RAB3GAP1: variants seen among roughly 807,000 people sequenced by gnomAD.
RAB3GAP1 encodes the protein RAB3 GTPase activating protein catalytic subunit 1.
RAB3GAP1 carries 86 observed loss-of-function variants against 130.7 expected under a neutral mutation model. That is an observed-to-expected ratio of 0.66 (90% CI 0.55 to 0.79). RAB3GAP1 has a LOEUF of 0.79. RAB3GAP1 is among the 30% of genes least tolerant of loss of function. The pLI, the probability that RAB3GAP1 is intolerant of heterozygous loss-of-function variation, is 0.00. For synonymous variants in RAB3GAP1, 367 were observed against 401.7 expected, an observed-to-expected ratio of 0.91 and a Z score of 1.03; for missense variants, 1,029 against 1,169.4, an observed-to-expected ratio of 0.88 and a Z score of 1.75.
intron 5 of RAB3GAP1, among the ~76,000 whole-genome samples, chr2:135,112,206 T>C (rs1305276301): frequency 6.6e-6 from 1 of 152,104 alleles, no homozygotes; most frequent in Non-Finnish European, 1.5e-5. Flanking sequence ...TGTAATATGA[T>C]GATGAAACCT....
intron 5 of RAB3GAP1, among the ~76,000 whole-genome samples, chr2:135,103,851 GA>G (rs1425281264): frequency 2.0e-5 from 3 of 152,188 alleles, no homozygotes; most frequent in Non-Finnish European, 4.4e-5. Flanking sequence ...CGAGGCAAGT[GA>G]TGGATTAGTC....
intron 4 of RAB3GAP1, 117 bp downstream of exon 4, chr2:135,091,247 G>A: frequency 1.0e-6 from 1 of 977,530 alleles, no homozygotes; most frequent in Non-Finnish European, 1.5e-6. Context: ...TTTTACATAA[G>A]CAAAGTTGTT....
chr2:135,113,601 G>A (rs1030063807), intron 6 of RAB3GAP1, among the ~76,000 whole-genome samples: 10 of 152,208 alleles, frequency 6.6e-5, no homozygotes, highest in African/African-American at 2.4e-4. Context: ...ACTCCGAGCT[G>A]TAACCAATCA....
rs1007786833 is a variant in RAB3GAP1, at chr2:135,126,244, T to A, written c.894T>A (p.Val298=). ...AAGGGATCATTGTGGATAATGATGT[T>A]TATTCGTAAGTATGTTAAGAGTAGT... ...LTEGIIVDND[V]YSDLDPIQAP... Residue 298 remains valine (V), a synonymous_variant, in exon 10 of 24, where the codon GTT becomes GTA. Transcript: ENST00000264158. 6.2e-7 allele frequency: 1 copy of A among 1,610,922 alleles called. No individual in the cohort carries two copies. The highest frequency in any genetic ancestry group is 8.5e-7 in the Non-Finnish European group (1 of 1,177,320).
At position 135,133,947 on chromosome 2, in the gene RAB3GAP1, T is replaced by C. The variant is rs1691615058; in HGVS notation, c.1413T>C (p.His471=). ...ALCLCMINFY[H]GGLKGVAHLW... The stretch of plus-strand genomic sequence containing the variant: ...GTCTCTGTATGATCAATTTTTACCA[T>C]GGAGGGTTGAAAGGAGTGGCACACC... The change falls in exon 15 of 24, where the codon CAT becomes CAC. Residue 471 remains histidine (H), a synonymous_variant. Transcript: ENST00000264158. 6 of 1,613,972 alleles carry C rather than the reference T, an allele frequency of 3.7e-6. 1 individual carries two copies. The African/African-American group carries it at 6.7e-5, about 18-fold the overall frequency.
At chr2:135,075,697 C>T in intron 3 of RAB3GAP1, among the ~76,000 whole-genome samples, 1 of 140,448 alleles carries the variant, frequency 7.1e-6, no homozygotes. Flanking sequence ...TCACTATTTC[C>T]TTCATATGGG....
At chr2:135,152,241 C>T (rs1035463481) in intron 18 of RAB3GAP1, among the ~76,000 whole-genome samples, 4 of 152,226 alleles carry the variant, frequency 2.6e-5, no homozygotes, top group African/African-American at 9.6e-5. Context: ...TACACCTACA[C>T]CTCAGAGTTC....
chr2:135,151,699 C>T (rs749460662), intron 18 of RAB3GAP1, among the ~76,000 whole-genome samples: 1 of 152,184 alleles, frequency 6.6e-6, no homozygotes, highest in Non-Finnish European at 1.5e-5. Context: ...CCAGTTGGCT[C>T]TTGGGGCACA....
chr2:135,064,474 C>T (rs1689261955), intron 3 of RAB3GAP1, among the ~76,000 whole-genome samples: 2 of 151,962 alleles, frequency 1.3e-5, no homozygotes, highest in African/African-American at 4.8e-5. Flanking sequence ...TTAAGCCTAC[C>T]TGCTGTATTT....
At chr2:135,165,017 A>T (rs1396129942) in intron 23 of RAB3GAP1, 3 of 401,710 alleles carry the variant, frequency 7.5e-6, no homozygotes, top group Admixed American at 6.4e-5. Flanking sequence ...ATGTTTACTC[A>T]CAGGTACTTT....
chr2:135,065,383 T>C (rs1470651167), intron 3 of RAB3GAP1, among the ~76,000 whole-genome samples: 5 of 152,186 alleles, frequency 3.3e-5, no homozygotes, highest in African/African-American at 1.2e-4. Context: ...ATTTTCTTCA[T>C]ATACTTCAAC....
chr2:135,095,474 A>G (rs2104882372), intron 5 of RAB3GAP1, among the ~76,000 whole-genome samples: 2 of 152,372 alleles, frequency 1.3e-5, no homozygotes, highest in Middle Eastern at 6.8e-3. Flanking sequence ...TTTAAATATC[A>G]TAGAAATTTT....
intron 2 of RAB3GAP1, among the ~76,000 whole-genome samples, chr2:135,052,854 C>T (rs888319475): frequency 2.0e-5 from 3 of 152,228 alleles, no homozygotes; most frequent in Non-Finnish European, 4.4e-5. Context: ...TTATCGTAAG[C>T]AGTAAACTTG....
rs1355688139 is a variant in RAB3GAP1, at chr2:135,132,993, A to T, written c.1326+9A>T. 2.0e-6 allele frequency: 3 copies of T among 1,469,956 alleles called. No homozygotes were observed. Among genetic ancestry groups the T allele is most frequent in the Non-Finnish European group, 2.9e-6 (3 of 1,049,712 alleles). The allele number at this position is 1,469,956 out of a possible 1,614,324, so 91.1% of individuals were successfully genotyped here. ...CAGAGAGTGAAGACTATGTAAGTTG[A>T]TGTGGAGTTCAATGTTAAAATGTTT... On this transcript the variant is annotated intron_variant, in intron 14 of 23. Coordinates refer to ENST00000264158, the MANE Select transcript of RAB3GAP1 (RefSeq NM_012233.3).
chr2:135,066,257 A>T (rs1689320558), intron 3 of RAB3GAP1, among the ~76,000 whole-genome samples: 1 of 152,056 alleles, frequency 6.6e-6, no homozygotes, highest in Non-Finnish European at 1.5e-5. Context: ...TTTTGTCCAG[A>T]TTTTATAGGA....
At chr2:135,147,641 G>T in intron 17 of RAB3GAP1, among the ~76,000 whole-genome samples, 1 of 138,834 alleles carries the variant, frequency 7.2e-6, no homozygotes, top group African/African-American at 2.7e-5. Flanking sequence ...TTTTGACTCG[G>T]GGTCTCACTC....
intron 3 of RAB3GAP1, among the ~76,000 whole-genome samples, chr2:135,079,372 T>C (rs1689721471): frequency 6.6e-6 from 1 of 152,200 alleles, no homozygotes; most frequent in Non-Finnish European, 1.5e-5. Context: ...TTTTTCTCCT[T>C]CTAGTGTGTT....
intron 7 of RAB3GAP1, among the ~76,000 whole-genome samples, chr2:135,118,278 TAA>T (rs370610271): frequency 1.3e-5 from 2 of 149,604 alleles, no homozygotes; most frequent in East Asian, 3.9e-4. Context: ...TAGCAGTAGT[TAA>T]AAAAAAAAGT....
chr2:135,129,270 G>T (rs1457950529), intron 11 of RAB3GAP1, among the ~76,000 whole-genome samples: 2 of 151,972 alleles, frequency 1.3e-5, no homozygotes, highest in African/African-American at 4.8e-5. Flanking sequence ...GGCTAACACA[G>T]TGAAACCCCG....
Sources: gnomAD v4.1 joint callset for allele counts (sites outside exome capture counted in the v4.1 genomes callset) on GRCh38, gnomAD v4.1.1 for gene constraint, MANE v1.5 for transcripts, NCBI Gene and HGNC (gene_info 2026-07-23, HGNC 2026-07-21) for gene names.